NUP85: variants seen among roughly 807,000 people sequenced by gnomAD.
The protein encoded by NUP85 is nuclear pore complex protein Nup85.
Under a neutral mutation model 92.8 loss-of-function variants are expected in NUP85, and 23 were observed. The observed-to-expected ratio is 0.25, with a 90% CI of 0.18 to 0.35. NUP85 has a LOEUF of 0.35. Ranked by LOEUF, NUP85 falls within the 10% of genes least tolerant of loss-of-function variation. NUP85 has a pLI of 1.00. For missense variants in NUP85, 759 were observed against 822.8 expected (o/e 0.92, Z 0.95); for synonymous variants, 314 against 306.9 (o/e 1.02, Z -0.24).
intron 5 of NUP85, among the ~76,000 whole-genome samples, chr17:75,215,353 G>A (rs1264028105): frequency 1.3e-5 from 2 of 152,218 alleles, no homozygotes; most frequent in Non-Finnish European, 2.9e-5. Context: ...GAGACTGCGG[G>A]GATATGTCAC....
Position 75,225,215 on chromosome 17 carries a change from TGAG to T in NUP85, c.713_715del (p.Arg238del). The T allele has an allele frequency of 6.2e-7, 1 of 1,608,072 alleles. No homozygotes were observed. The highest frequency in any genetic ancestry group is 8.5e-7 in the Non-Finnish European group (1 of 1,176,110). ...ATATGCCGAATCATGGGGGACCTGA[TGAG>T]GACAATGCCCATTCTTAGTGTACGT... On this transcript the variant is annotated inframe_deletion, in exon 8 of 19. Coordinates refer to ENST00000245544, the MANE Select transcript of NUP85 (RefSeq NM_024844.5).
chr17:75,225,419 G>C lies in NUP85; in HGVS notation c.810G>C (p.Gln270His). 1 of 1,614,140 alleles carries C rather than the reference G, an allele frequency of 6.2e-7. No homozygotes were observed. Among genetic ancestry groups the C allele is most frequent in the Non-Finnish European group, 8.5e-7 (1 of 1,180,042 alleles). The change falls in exon 9 of 19, where the codon CAG becomes CAC. Residue 270 changes from glutamine (Q) to histidine (H), a missense_variant. Transcript: ENST00000245544. The stretch of plus-strand genomic sequence containing the variant: ...ACGAGGAATGTGAGCGGTACCTCCA[G>C]GACAGCACATTCGCCACCAGCCCTC... ...HWHEECERYLQDSTFATSPHL... is the reference protein window; with the variant it reads ...HWHEECERYLHDSTFATSPHL...
At chr17:75,211,945 T>A (rs566697772) in intron 3 of NUP85, 47 bp from the exon 4 acceptor site, 1 of 1,434,942 alleles carries the variant, frequency 7.0e-7, no homozygotes, top group East Asian at 2.3e-5. Context: ...TTTGTGGCAC[T>A]ACAAGATGTT....
intron 1 of NUP85, among the ~76,000 whole-genome samples, chr17:75,206,530 C>CT (rs1234363214): frequency 6.6e-6 from 1 of 151,948 alleles, no homozygotes; most frequent in East Asian, 1.9e-4. Flanking sequence ...GAGGAAGGAG[C>CT]TAGCAGGAGG....
At chr17:75,218,724 G>C (rs1235506402) in intron 7 of NUP85, among the ~76,000 whole-genome samples, 1 of 148,870 alleles carries the variant, frequency 6.7e-6, no homozygotes, top group Non-Finnish European at 1.5e-5. Flanking sequence ...GGGCAACAAA[G>C]TGAGACCCTC....
intron 1 of NUP85, among the ~76,000 whole-genome samples, chr17:75,206,392 G>A (rs1475309329): frequency 6.6e-6 from 1 of 152,058 alleles, no homozygotes. Context: ...AGTGACTGAG[G>A]CAGGTCTCAA....
Position 75,215,800 on chromosome 17 carries a change from T to C in NUP85, c.452T>C (p.Ile151Thr). The C allele has an allele frequency of 1.2e-6, 2 of 1,614,040 alleles. No individual in the cohort carries two copies. The highest frequency in any genetic ancestry group is 1.7e-6 in the Non-Finnish European group (2 of 1,179,880). Reference sequence around the variant, plus strand: ...GAGCTCATCTGGAACCTGTGTGAGATTCTTTTTATTGAAGTGGCCCCAGGT... The same window carrying C: ...GAGCTCATCTGGAACCTGTGTGAGACTCTTTTTATTGAAGTGGCCCCAGGT... Reference protein sequence around the residue: ...AMELIWNLCEILFIEVAPAGP... With the variant: ...AMELIWNLCETLFIEVAPAGP... Residue 151 changes from isoleucine (I) to threonine (T), a missense_variant, in exon 6 of 19, where the codon ATT becomes ACT. Coordinates refer to ENST00000245544, the MANE Select transcript of NUP85 (RefSeq NM_024844.5).
intron 11 of NUP85, 37 bp downstream of exon 11, chr17:75,226,194 A>G (rs2075787760): frequency 6.4e-7 from 1 of 1,567,428 alleles, no homozygotes; most frequent in Non-Finnish European, 8.8e-7. Context: ...AACCATTTTT[A>G]GGTGTACAAA....
Position 75,235,735 on chromosome 17 carries a change from A to C in NUP85, c.*56A>C. The C allele has an allele frequency of 7.5e-7, 1 of 1,329,022 alleles. No homozygotes were observed. The highest frequency in any genetic ancestry group is 1.1e-6 in the Non-Finnish European group (1 of 929,924). 82.3% of individuals were successfully genotyped at this position (1,329,022 alleles called of 1,614,324 possible). On this transcript the variant is annotated 3_prime_UTR_variant, in exon 19 of 19. Coordinates refer to ENST00000245544, the MANE Select transcript of NUP85 (RefSeq NM_024844.5). ...CAATGTATATAGATTTTTTTAAAAG[A>C]ATAAATGTTGTTTTGCAAATGTAGG... is the stretch of plus-strand genomic sequence containing the variant.
chr17:75,209,968 A>G lies in NUP85; in HGVS notation c.273A>G (p.Gly91=). 6.3e-7 allele frequency: 1 copy of G among 1,586,830 alleles called. No individual in the cohort carries two copies. Among genetic ancestry groups the G allele is most frequent in the South Asian group, 1.2e-5 (1 of 85,004 alleles). ...AGAGAATTGACGAAGAGTTGACTGG[A>G]AAATCCAGAAAATCTCAGTAAGTTG... The part of the protein sequence containing the change: ...GLQRIDEELT[G]KSRKSQLVRV... Residue 91 remains glycine (G), a synonymous_variant, in exon 3 of 19, where the codon GGA becomes GGG. Transcript: ENST00000245544.
chr17:75,222,088 T>C (rs2075613451), intron 7 of NUP85, among the ~76,000 whole-genome samples: 1 of 152,120 alleles, frequency 6.6e-6, no homozygotes, highest in Non-Finnish European at 1.5e-5. Context: ...CTGTTGCCCA[T>C]GTTGGAGTGC....
chr17:75,206,254 C>G (rs1261929102), intron 1 of NUP85, among the ~76,000 whole-genome samples: 1 of 152,084 alleles, frequency 6.6e-6, no homozygotes, highest in African/African-American at 2.4e-5. Flanking sequence ...TCCATTTGAA[C>G]TTTGAAGACA....
intron 16 of NUP85, among the ~76,000 whole-genome samples, chr17:75,233,405 CTTTCTT>C (rs1263159571): frequency 1.8e-4 from 18 of 99,216 alleles, no homozygotes; most frequent in African/African-American, 4.7e-4. Flanking sequence ...TTCTCTTTCT[CTTTCTT>C]TCTTTCTTCT....
intron 3 of NUP85, among the ~76,000 whole-genome samples, chr17:75,211,705 C>T (rs4789150): frequency 0.92 from 139,942 of 152,210 alleles, 65,181 homozygotes; most frequent in Non-Finnish European, 1. Flanking sequence ...CCAGTAAATA[C>T]ATTTATGTAT....
chr17:75,225,179 C>T lies in NUP85; in HGVS notation c.674C>T (p.Ala225Val), dbSNP rs534518155. The T allele has an allele frequency of 2.0e-5, 32 of 1,610,020 alleles. 1 individual carries two copies. The South Asian group carries it at 3.4e-4, about 17-fold the overall frequency. ...TCCAAGGAAGCCGATGCCAGCCCCG[C>T]CTCTGCAGGCATATGCCGAATCATG... Reference protein sequence around the residue: ...MLSKEADASPASAGICRIMGD... With the variant: ...MLSKEADASPVSAGICRIMGD... The change falls in exon 8 of 19, where the codon GCC becomes GTC. Residue 225 changes from alanine (A) to valine (V), a missense_variant. By Grantham distance (64) the Ala-to-Val change is moderately conservative. Transcript: ENST00000245544.
intron 7 of NUP85, among the ~76,000 whole-genome samples, chr17:75,219,322 G>A (rs895444167): frequency 5.3e-5 from 8 of 152,312 alleles, no homozygotes; most frequent in East Asian, 1.9e-4. Flanking sequence ...TGCGGCCTGG[G>A]CGGGAGTGCA....
At chr17:75,233,183 G>A (rs763158105) in intron 16 of NUP85, 25 bp downstream of exon 16, 9 of 1,595,876 alleles carry the variant, frequency 5.6e-6, no homozygotes, top group Non-Finnish European at 7.7e-6. Flanking sequence ...TTTGTGCCCT[G>A]TGCTTTGGGC....
Position 75,235,139 on chromosome 17 carries a change from T to C in NUP85, c.1807T>C (p.Cys603Arg), listed in dbSNP as rs768468918. 2.5e-6 allele frequency: 4 copies of C among 1,614,060 alleles called. No homozygotes were observed. The highest frequency in any genetic ancestry group is 1.1e-5 in the South Asian group (1 of 91,090). The change falls in exon 18 of 19, where the codon TGT becomes CGT. Residue 603 changes from cysteine (C) to arginine (R), a missense_variant. Physicochemically the swap from Cys to Arg is radical, Grantham distance 180. Coordinates refer to ENST00000245544, the MANE Select transcript of NUP85 (RefSeq NM_024844.5). ...SAEQTYELMR[C>R]LEDLTSRRPV... ...AGAACAGACTTATGAGTTGATGCGG[T>C]GTCTGGAGGACTTGACGTCAAGAAG... is the stretch of plus-strand genomic sequence containing the variant.
intron 4 of NUP85, among the ~76,000 whole-genome samples, chr17:75,212,587 C>G (rs1441620122): frequency 6.6e-6 from 1 of 151,374 alleles, no homozygotes. Context: ...ATCTTCCTAC[C>G]TCATCCTTCC....
Sources: gnomAD v4.1 joint callset for allele counts (sites outside exome capture counted in the v4.1 genomes callset) on GRCh38, gnomAD v4.1.1 for gene constraint, MANE v1.5 for transcripts, NCBI Gene and HGNC (gene_info 2026-07-23, HGNC 2026-07-21) for gene names.